Variants in ACTR3C observed in about 807,000 individuals in gnomAD.
The protein encoded by ACTR3C is actin-related protein 3C.
Under a neutral mutation model 26.3 loss-of-function variants are expected in ACTR3C, and 18 were observed. The observed-to-expected ratio is 0.68, with a 90% CI of 0.47 to 1.01. ACTR3C has a LOEUF of 1.01. Ranked by LOEUF, ACTR3C falls within the 50% of genes least tolerant of loss-of-function variation. The pLI is 0.00. For missense variants in ACTR3C, 184 were observed against 250.7 expected (o/e 0.73, Z 1.80); for synonymous variants, 55 against 94.5 (o/e 0.58, Z 2.42).
At chr7:150,318,323 A>G (rs1024295269) in intron 1 of ACTR3C, among the ~76,000 whole-genome samples, 1 of 152,188 alleles carries the variant, frequency 6.6e-6, no homozygotes, top group Non-Finnish European at 1.5e-5. Context: ...AGTCTTTCCT[A>G]GAGCTTTCAG....
At chr7:150,046,347 G>GCCCCCCCCC in the ACTR3C span, among the ~76,000 whole-genome samples, 1 of 17,014 alleles carries the variant, frequency 5.9e-5, no homozygotes. Flanking sequence ...ATGTCTCACC[G>GCCCCCCCCC]CCCCCCCCCC....
At position 150,286,397 on chromosome 7, in the gene ACTR3C, G is replaced by T; in HGVS notation, c.441C>A (p.Phe147Leu). ...GGTGAAAGAATATTTCAGGTCCCAG[G>T]AATCTTTCGTAACCAACGTCTATAA... is the stretch of plus-strand genomic sequence containing the variant. ...KFVIDVGYERFLGPEIFFHPE... is the reference protein window; with the variant it reads ...KFVIDVGYERLLGPEIFFHPE... The change falls in exon 5 of 8, where the codon TTC (phenylalanine) becomes TTA (leucine). Residue 147 changes from phenylalanine to leucine, a missense_variant. Coordinates refer to ENST00000683684, the MANE Select transcript of ACTR3C (RefSeq NM_001164458.2). 6.2e-7 allele frequency: 1 copy of T among 1,613,950 alleles called. No homozygotes were observed. Among genetic ancestry groups the T allele is most frequent in the African/African-American group, 1.3e-5 (1 of 74,946 alleles).
chr7:150,270,646 G>C (rs1033273899), intron 6 of ACTR3C, among the ~76,000 whole-genome samples: 1 of 152,150 alleles, frequency 6.6e-6, no homozygotes, highest in African/African-American at 2.4e-5. Flanking sequence ...GCTCAGCACA[G>C]CACTCTAACC....
At chr7:150,173,049 T>A in the ACTR3C span, among the ~76,000 whole-genome samples, 9 of 149,600 alleles carry the variant, frequency 6.0e-5, no homozygotes, top group African/African-American at 2.3e-4. Context: ...AGGTGAACGG[T>A]GCAAGCTGTT....
chr7:150,192,974 G>A, the ACTR3C span, among the ~76,000 whole-genome samples: 1 of 152,100 alleles, frequency 6.6e-6, no homozygotes, highest in Non-Finnish European at 1.5e-5. Flanking sequence ...CCTCTGTATT[G>A]TACCTTCCGG....
the ACTR3C span, among the ~76,000 whole-genome samples, chr7:150,173,425 T>C: frequency 6.8e-6 from 1 of 146,518 alleles, no homozygotes; most frequent in Admixed American, 6.6e-5. Context: ...GGACACAGGG[T>C]ACCAAGTCCC....
chr7:150,071,287 C>A, the ACTR3C span, among the ~76,000 whole-genome samples: 1 of 150,378 alleles, frequency 6.6e-6, no homozygotes. Flanking sequence ...CCGCGCCCAG[C>A]TAATTTTTTT....
chr7:150,041,843 G>A, the ACTR3C span, among the ~76,000 whole-genome samples: 2 of 144,690 alleles, frequency 1.4e-5, no homozygotes, highest in South Asian at 2.2e-4. Flanking sequence ...GGTGGAAGAG[G>A]GGATAGCTCT....
chr7:150,084,684 G>A, the ACTR3C span, among the ~76,000 whole-genome samples: 11 of 152,280 alleles, frequency 7.2e-5, no homozygotes, highest in African/African-American at 9.6e-5. Flanking sequence ...TATAAGGGCC[G>A]AGGAACAGGG....
the ACTR3C span, among the ~76,000 whole-genome samples, chr7:150,160,640 C>G: frequency 6.6e-6 from 1 of 151,862 alleles, no homozygotes; most frequent in Non-Finnish European, 1.5e-5. Flanking sequence ...TTATAAGCCA[C>G]CAATTATATG....
chr7:150,195,167 A>G, the ACTR3C span, among the ~76,000 whole-genome samples: 4 of 150,318 alleles, frequency 2.7e-5, no homozygotes, highest in Non-Finnish European at 5.9e-5. Flanking sequence ...GGATCACAAC[A>G]ATGTATGCTG....
chr7:149,904,974 C>T, the ACTR3C span, among the ~76,000 whole-genome samples: 3 of 151,040 alleles, frequency 2.0e-5, no homozygotes, highest in African/African-American at 7.3e-5. Context: ...TGCAATGAGC[C>T]GAGATCATGC....
At chr7:149,925,659 A>G in the ACTR3C span, among the ~76,000 whole-genome samples, 4 of 152,318 alleles carry the variant, frequency 2.6e-5, no homozygotes, top group Non-Finnish European at 4.4e-5. Flanking sequence ...ATAGCCACAC[A>G]CACACAAAAG....
the ACTR3C span, chr7:150,002,059 C>A: frequency 1.5e-3 from 221 of 144,798 alleles, no homozygotes; most frequent in Middle Eastern, 7.2e-3. Flanking sequence ...CACCACCCTG[C>A]CTGTCCGTGC....
intron 6 of ACTR3C, among the ~76,000 whole-genome samples, chr7:150,284,264 G>A (rs1835579413): frequency 6.6e-6 from 1 of 152,122 alleles, no homozygotes; most frequent in African/African-American, 2.4e-5. Flanking sequence ...CAGTTGGCCG[G>A]GCATGGTGGC....
At chr7:150,226,383 A>AT in the ACTR3C span, among the ~76,000 whole-genome samples, 1 of 151,504 alleles carries the variant, frequency 6.6e-6, no homozygotes, top group African/African-American at 2.4e-5. Flanking sequence ...TTGTTTTTGT[A>AT]TTTTTGCCTT....
the ACTR3C span, among the ~76,000 whole-genome samples, chr7:150,170,148 T>C: frequency 1.3e-5 from 2 of 149,784 alleles, no homozygotes; most frequent in African/African-American, 2.5e-5. Context: ...AGTTCCCTCA[T>C]GTGACTGACG....
the ACTR3C span, among the ~76,000 whole-genome samples, chr7:149,902,172 T>A: frequency 6.6e-6 from 1 of 152,118 alleles, no homozygotes; most frequent in African/African-American, 2.4e-5. Context: ...GTAATTTTTT[T>A]AATCCAGTAT....
At chr7:150,280,376 C>T (rs1478390947) in intron 6 of ACTR3C, among the ~76,000 whole-genome samples, 3 of 152,236 alleles carry the variant, frequency 2.0e-5, no homozygotes, top group Admixed American at 6.5e-5. Context: ...CTCATCTACA[C>T]ATCAGACGGA....
Sources: allele counts gnomAD v4.1 joint callset (sites outside exome capture counted in the v4.1 genomes callset), GRCh38; gene constraint gnomAD v4.1.1; transcripts MANE v1.5; gene names NCBI Gene and HGNC (gene_info 2026-07-23, HGNC 2026-07-21).